The following CLCN4 variants were observed in gnomAD, a reference collection of about 807,000 sequenced individuals.
CLCN4 encodes H(+)/Cl(-) exchange transporter 4.
Under a neutral mutation model 41.7 loss-of-function variants are expected in CLCN4, and 1 was observed. That is an observed-to-expected ratio of 0.02 (90% CI 0.01 to 0.11). CLCN4 has a LOEUF of 0.11. Among genes scored for constraint, CLCN4 ranks in the 10% least tolerant of loss-of-function variants. CLCN4 has a pLI of 1.00. For missense variants in CLCN4, 287 were observed against 661.0 expected (o/e 0.43, Z 6.20); for synonymous variants, 277 against 285.8 (o/e 0.97, Z 0.31).
chrX:10,198,086 T>G (rs774411841), intron 6 of CLCN4, 25 bp downstream of exon 6: 3 of 1,200,482 alleles, frequency 2.5e-6, no homozygotes, highest in South Asian at 3.6e-5. Flanking sequence ...ATTTTTTTGG[T>G]ACCAATAATA....
At chrX:10,175,033 A>T (rs1202251140) in intron 2 of CLCN4, among the ~76,000 whole-genome samples, 1 of 111,944 alleles carries the variant, frequency 8.9e-6, no homozygotes, top group African/African-American at 3.2e-5. Flanking sequence ...TTCTGTGTTT[A>T]CTCATTGCAA....
chrX:10,167,009 G>A, intron 2 of CLCN4, among the ~76,000 whole-genome samples: 1 of 112,824 alleles, frequency 8.9e-6, no homozygotes, highest in Admixed American at 9.3e-5. Context: ...ATGGAAGCCA[G>A]ACTGTGATTG....
At chrX:10,206,891 C>T (rs911553984) in intron 8 of CLCN4, 115 bp downstream of exon 8, 1 of 463,281 alleles carries the variant, frequency 2.2e-6, no homozygotes, top group Non-Finnish European at 3.3e-6. Context: ...CCACAATTTC[C>T]ACTGTTTTTT....
intron 9 of CLCN4, among the ~76,000 whole-genome samples, chrX:10,209,232 C>T (rs1373126831): frequency 9.2e-6 from 1 of 108,862 alleles, no homozygotes; most frequent in Non-Finnish European, 1.9e-5. Flanking sequence ...CTTTGAAGAA[C>T]AGAGCTGTGG....
chrX:10,191,418 G>A (rs1602148306), intron 4 of CLCN4, among the ~76,000 whole-genome samples: 1 of 112,492 alleles, frequency 8.9e-6, no homozygotes, highest in South Asian at 3.6e-4. Context: ...TAGACCACAC[G>A]TTGTTTATCC....
chrX:10,219,772 T>C (rs1924812378), intron 11 of CLCN4, among the ~76,000 whole-genome samples: 1 of 112,465 alleles, frequency 8.9e-6, no homozygotes, highest in African/African-American at 3.2e-5. Context: ...GCTGTACATT[T>C]TCCCTAACCT....
chrX:10,168,648 G>T (rs1166068911), intron 2 of CLCN4, among the ~76,000 whole-genome samples: 8 of 111,862 alleles, frequency 7.2e-5, no homozygotes, highest in Non-Finnish European at 1.5e-4. Context: ...TCCATGTGCA[G>T]AAAAGTGCAC....
At chrX:10,196,502 A>G (rs1924098001) in intron 5 of CLCN4, among the ~76,000 whole-genome samples, 2 of 103,608 alleles carry the variant, frequency 1.9e-5, no homozygotes, top group South Asian at 4.3e-4. Context: ...CTTTCAAGGT[A>G]TATGTAATCT....
chrX:10,231,377 T>A (rs1001903793), intron 12 of CLCN4, among the ~76,000 whole-genome samples: 1 of 111,803 alleles, frequency 8.9e-6, no homozygotes, highest in Non-Finnish European at 1.9e-5. Flanking sequence ...AGTAACTCAA[T>A]ATATCATCCA....
intron 12 of CLCN4, among the ~76,000 whole-genome samples, chrX:10,230,868 T>TAACA (rs1925111075): frequency 8.9e-6 from 1 of 112,107 alleles, no homozygotes; most frequent in African/African-American, 3.2e-5. Flanking sequence ...CATCCATAGT[T>TAACA]TACTTTAGAG....
intron 12 of CLCN4, among the ~76,000 whole-genome samples, chrX:10,233,092 C>T (rs369065082): frequency 4.5e-5 from 5 of 111,561 alleles, no homozygotes; most frequent in African/African-American, 1.6e-4. Flanking sequence ...GGTTTACTGC[C>T]GTAATAAACA....
At chrX:10,218,534 C>G (rs982955560) in intron 11 of CLCN4, among the ~76,000 whole-genome samples, 1 of 112,400 alleles carries the variant, frequency 8.9e-6, no homozygotes, top group African/African-American at 3.2e-5. Flanking sequence ...CCAGGGATGA[C>G]AGCACACTGC....
chrX:10,235,027 G>T lies in CLCN4; in HGVS notation c.*1443G>T, dbSNP rs1485741637. The T allele has an allele frequency of 8.9e-6, 1 of 112,173 alleles. No homozygotes were observed. The highest frequency in any genetic ancestry group is 1.9e-5 in the Non-Finnish European group (1 of 53,284). The allele number at this position is 112,173 out of a possible 1,213,427, so 9.2% of individuals were successfully genotyped here. On this transcript the variant is annotated 3_prime_UTR_variant, in exon 13 of 13. Coordinates refer to ENST00000380833, the MANE Select transcript of CLCN4 (RefSeq NM_001830.4). ...GTATCACTTAGGTGTGCATTCGGCT[G>T]CAAATAACAGAAAACCCAGCAAACA... is the stretch of plus-strand genomic sequence containing the variant.
chrX:10,215,097 C>G (rs1924670333), intron 11 of CLCN4, among the ~76,000 whole-genome samples: 1 of 112,027 alleles, frequency 8.9e-6, no homozygotes, highest in Non-Finnish European at 1.9e-5. Context: ...CATGGCGTGG[C>G]TCCCATGTGC....
At chrX:10,228,775 G>A (rs1179441300) in intron 12 of CLCN4, among the ~76,000 whole-genome samples, 3 of 111,825 alleles carry the variant, frequency 2.7e-5, no homozygotes, top group Non-Finnish European at 5.6e-5. Context: ...AAGGTATGAG[G>A]TTGGCAGGGT....
intron 12 of CLCN4, among the ~76,000 whole-genome samples, chrX:10,228,274 T>C (rs1005781197): frequency 5.7e-5 from 6 of 104,659 alleles, no homozygotes; most frequent in Admixed American, 4.2e-4. Context: ...GAGGTGAGAC[T>C]CTAAGAAGCA....
intron 11 of CLCN4, among the ~76,000 whole-genome samples, chrX:10,216,912 T>TAC (rs1217273260): frequency 1.0e-4 from 2 of 19,778 alleles, no homozygotes; most frequent in South Asian, 0.012. Context: ...TATATATATA[T>TAC]ATATATACAC....
intron 2 of CLCN4, among the ~76,000 whole-genome samples, chrX:10,182,235 A>G (rs1429971607): frequency 1.8e-5 from 2 of 112,142 alleles, no homozygotes; most frequent in African/African-American, 6.5e-5. Flanking sequence ...TTCAGAGCTC[A>G]AGTTCATTCT....
intron 11 of CLCN4, among the ~76,000 whole-genome samples, chrX:10,217,205 G>A (rs1924748286): frequency 3.7e-5 from 4 of 109,103 alleles, no homozygotes; most frequent in South Asian, 4.0e-4. Context: ...GGCTCAAGCA[G>A]TCTTCCTGCT....
Sources: gnomAD v4.1 joint callset for allele counts (sites outside exome capture counted in the v4.1 genomes callset) on GRCh38, gnomAD v4.1.1 for gene constraint, MANE v1.5 for transcripts, NCBI Gene and HGNC (gene_info 2026-07-23, HGNC 2026-07-21) for gene names.